The following FGL1 variants were observed in gnomAD, a reference collection of about 807,000 sequenced individuals.
FGL1 encodes fibrinogen like 1, also known as fibrinogen-like protein 1.
In FGL1, 59 loss-of-function variants were observed where a neutral mutation model predicts 43.7. That is an observed-to-expected ratio of 1.35 (90% CI 1.10 to 1.68). FGL1 has a LOEUF of 1.68. FGL1 is among the 40% of genes most tolerant of loss of function. The pLI, the probability that FGL1 is intolerant of heterozygous loss-of-function variation, is 0.00. For synonymous variants in FGL1, 192 were observed against 126.5 expected, an observed-to-expected ratio of 1.52 and a Z score of -3.48; for missense variants, 596 against 373.0, an observed-to-expected ratio of 1.60 and a Z score of -4.92.
chr8:17,874,392 C>T lies in FGL1; in HGVS notation c.374G>A (p.Arg125Lys). The change falls in exon 4 of 8, where the codon AGA becomes AAA. Residue 125 changes from arginine to lysine, a missense_variant. Transcript: ENST00000427924. ...AAAGTTTTCACTGCCATCAGATCGTCTCTGAATTACAGTCCATCCTCCTCC... is the reference window on the plus strand; with the variant it reads ...AAAGTTTTCACTGCCATCAGATCGTTTCTGAATTACAGTCCATCCTCCTCC... ...SDGGGWTVIQ[R>K]RSDGSENFNR... 2 of 1,613,988 alleles carry T rather than the reference C, an allele frequency of 1.2e-6. No individual in the cohort carries two copies. The highest frequency in any genetic ancestry group is 1.7e-6 in the Non-Finnish European group (2 of 1,179,914).
chr8:17,864,713 CCG>C lies in FGL1; in HGVS notation c.816_817del (p.Ser272ArgfsTer6). 6.2e-7 allele frequency: 1 copy of C among 1,612,192 alleles called. No homozygotes were observed. Among genetic ancestry groups the C allele is most frequent in the Admixed American group, 1.7e-5 (1 of 59,394 alleles). ...ATTGTCTGTTTTAGCCGTGTAGGGG[CCG>C]CTGTAGTATACACCATTCAGGTTTG... On this transcript the variant is annotated frameshift_variant, in exon 8 of 8. Transcript: ENST00000427924. LOFTEE classifies it high-confidence loss of function.
intron 1 of FGL1, among the ~76,000 whole-genome samples, chr8:17,893,120 G>C (rs1018262996): frequency 6.6e-6 from 1 of 152,140 alleles, no homozygotes; most frequent in Admixed American, 6.5e-5. Context: ...AGAATTGCTT[G>C]AACCTGGGAG....
intron 3 of FGL1, among the ~76,000 whole-genome samples, chr8:17,875,594 T>C (rs2053443703): frequency 3.4e-5 from 4 of 117,330 alleles, no homozygotes; most frequent in African/African-American, 9.4e-5. Flanking sequence ...TCTTTCTTTC[T>C]TTCTTTCTTT....
chr8:17,868,245 A>G (rs2053300702), intron 7 of FGL1: 1 of 193,434 alleles, frequency 5.2e-6, no homozygotes, highest in African/African-American at 2.3e-5. Context: ...ATATATATAC[A>G]TGCTCTCTCT....
At chr8:17,886,506 C>G (rs1338526871) in intron 1 of FGL1, among the ~76,000 whole-genome samples, 1 of 151,992 alleles carries the variant, frequency 6.6e-6, no homozygotes, top group Non-Finnish European at 1.5e-5. Context: ...GCCTGTAATC[C>G]CAGCACTTTG....
chr8:17,892,524 A>G (rs561912397), intron 1 of FGL1, among the ~76,000 whole-genome samples: 17 of 152,306 alleles, frequency 1.1e-4, no homozygotes, highest in African/African-American at 4.1e-4. Flanking sequence ...AAGTATATTT[A>G]CACTAGTCTG....
intron 1 of FGL1, among the ~76,000 whole-genome samples, chr8:17,894,719 C>T (rs978950837): frequency 3.4e-5 from 5 of 146,456 alleles, no homozygotes; most frequent in South Asian, 2.1e-4. Flanking sequence ...CAACAAAAAA[C>T]GCCTAGAGCT....
intron 5 of FGL1, among the ~76,000 whole-genome samples, chr8:17,871,955 G>A (rs1334306834): frequency 6.6e-6 from 1 of 152,160 alleles, no homozygotes; most frequent in Non-Finnish European, 1.5e-5. Flanking sequence ...AAGGGTTACT[G>A]CTCTGGGGTT....
chr8:17,891,548 A>G, intron 1 of FGL1: 1 of 297,208 alleles, frequency 3.4e-6, no homozygotes, highest in Non-Finnish European at 5.0e-6. Context: ...ATGTACAAAG[A>G]CCCTATTTGC....
At chr8:17,879,967 T>G (rs552384538) in intron 3 of FGL1, among the ~76,000 whole-genome samples, 2 of 152,308 alleles carry the variant, frequency 1.3e-5, no homozygotes, top group South Asian at 4.1e-4. Context: ...GTAATGATGA[T>G]CCACTGGCAT....
intron 1 of FGL1, among the ~76,000 whole-genome samples, chr8:17,889,043 A>T (rs1334997834): frequency 6.6e-6 from 1 of 152,178 alleles, no homozygotes; most frequent in Non-Finnish European, 1.5e-5. Context: ...TTCCACAAAG[A>T]TGCCAAGCAG....
At chr8:17,867,285 A>G (rs1336410194) in intron 7 of FGL1, among the ~76,000 whole-genome samples, 1 of 152,188 alleles carries the variant, frequency 6.6e-6, no homozygotes, top group African/African-American at 2.4e-5. Flanking sequence ...AAAATTTACC[A>G]AACTGAAAGA....
At chr8:17,876,699 A>C (rs1221775058) in intron 3 of FGL1, among the ~76,000 whole-genome samples, 2 of 152,198 alleles carry the variant, frequency 1.3e-5, no homozygotes, top group Non-Finnish European at 2.9e-5. Flanking sequence ...TTTTGCTTAC[A>C]TTAAATTTCC....
intron 1 of FGL1, among the ~76,000 whole-genome samples, chr8:17,886,457 G>A (rs2053629365): frequency 3.6e-5 from 3 of 83,062 alleles, no homozygotes; most frequent in Admixed American, 2.7e-4. Context: ...GTTGGTAGAT[G>A]ATAAAAAGGC....
At chr8:17,889,990 G>A (rs1400915619) in intron 1 of FGL1, among the ~76,000 whole-genome samples, 1 of 152,168 alleles carries the variant, frequency 6.6e-6, no homozygotes, top group Non-Finnish European at 1.5e-5. Context: ...TTATATCAAT[G>A]CTGCCTCCCA....
At chr8:17,872,302 T>TTTATTATTATTA (rs10528958) in intron 5 of FGL1, among the ~76,000 whole-genome samples, 3,154 of 146,720 alleles carry the variant, frequency 0.021, 55 homozygotes, top group African/African-American at 0.033. Context: ...TCTTAATTAC[T>TTTATTATTATTA]TTATTATTAT....
chr8:17,882,081 A>G lies in FGL1; in HGVS notation c.162T>C (p.Leu54=). 3 of 1,613,914 alleles carry G rather than the reference A, an allele frequency of 1.9e-6. No homozygotes were observed. The highest frequency in any genetic ancestry group is 2.5e-6 in the Non-Finnish European group (3 of 1,179,966). ...GGAACTGGACTTCATTCTCCTGCAA[A>G]AGCTGCTTGATCTTGACCTGTTGCT... ...VKQQQVKIKQ[L]LQENEVQFLD... Residue 54 remains leucine, a synonymous_variant, in exon 3 of 8, where the codon CTT becomes CTC. Coordinates refer to ENST00000427924, the MANE Select transcript of FGL1 (RefSeq NM_004467.4).
At chr8:17,893,219 C>T (rs1272270880) in intron 1 of FGL1, among the ~76,000 whole-genome samples, 1 of 151,916 alleles carries the variant, frequency 6.6e-6, no homozygotes, top group African/African-American at 2.4e-5. Flanking sequence ...AACAAACAAA[C>T]AACAACAACA....
chr8:17,873,581 T>C (rs1196130076), intron 5 of FGL1, among the ~76,000 whole-genome samples: 1 of 152,038 alleles, frequency 6.6e-6, no homozygotes, highest in African/African-American at 2.4e-5. Flanking sequence ...AGGTAACTGA[T>C]ACAGCATATA....
Sources: gnomAD v4.1 joint callset for allele counts (sites outside exome capture counted in the v4.1 genomes callset) on GRCh38, gnomAD v4.1.1 for gene constraint, MANE v1.5 for transcripts, NCBI Gene and HGNC (gene_info 2026-07-23, HGNC 2026-07-21) for gene names.